ADCY9: variants seen among roughly 807,000 people sequenced by gnomAD.
The protein encoded by ADCY9 is adenylate cyclase type 9.
Under a neutral mutation model 101.5 loss-of-function variants are expected in ADCY9, and 50 were observed. The observed-to-expected ratio is 0.49, with a 90% CI of 0.39 to 0.62. The LOEUF is 0.62. Ranked by LOEUF, ADCY9 falls within the 20% of genes least tolerant of loss-of-function variation. The pLI is 0.00. For synonymous variants in ADCY9, 905 were observed against 769.3 expected (o/e 1.18, Z -2.92); for missense variants, 1,662 against 1,800.4 (o/e 0.92, Z 1.39).
intron 10 of ADCY9, among the ~76,000 whole-genome samples, chr16:3,967,569 T>G (rs1321105521): frequency 7.9e-5 from 12 of 151,832 alleles, no homozygotes; most frequent in Admixed American, 7.9e-4. Flanking sequence ...AAAAAATTTT[T>G]TTTTTGAAGA....
chr16:4,055,809 G>C (rs1165682302), intron 2 of ADCY9, among the ~76,000 whole-genome samples: 3 of 152,052 alleles, frequency 2.0e-5, no homozygotes, highest in African/African-American at 2.4e-5. Flanking sequence ...ACTCCAGCGT[G>C]GGCGACAGAG....
chr16:4,077,343 G>T (rs1318642869), intron 2 of ADCY9, among the ~76,000 whole-genome samples: 2 of 152,122 alleles, frequency 1.3e-5, no homozygotes, highest in Non-Finnish European at 2.9e-5. Context: ...GTTTTCAGGT[G>T]GTCTTTCTGG....
At chr16:4,069,104 A>C (rs1386271337) in intron 2 of ADCY9, among the ~76,000 whole-genome samples, 1 of 152,162 alleles carries the variant, frequency 6.6e-6, no homozygotes, top group Non-Finnish European at 1.5e-5. Context: ...AAGATATGCA[A>C]AATGTCCTCA....
At chr16:4,036,472 T>TTTG (rs1421511016) in intron 2 of ADCY9, among the ~76,000 whole-genome samples, 17 of 143,790 alleles carry the variant, frequency 1.2e-4, no homozygotes, top group African/African-American at 4.3e-4. Flanking sequence ...GTTTTTTTTT[T>TTTG]TTTTTTTTTT....
At chr16:4,093,722 G>C (rs910494099) in intron 2 of ADCY9, among the ~76,000 whole-genome samples, 1 of 152,174 alleles carries the variant, frequency 6.6e-6, no homozygotes, top group African/African-American at 2.4e-5. Context: ...TCACGTCACT[G>C]CACTCCAGCC....
chr16:3,971,537 T>A (rs1466945982), intron 10 of ADCY9, among the ~76,000 whole-genome samples: 1 of 152,142 alleles, frequency 6.6e-6, no homozygotes, highest in African/African-American at 2.4e-5. Flanking sequence ...ACATTACATA[T>A]CCTACATCTC....
chr16:4,007,703 G>C, intron 2 of ADCY9, 145 bp from the exon 3 acceptor site: 1 of 637,382 alleles, frequency 1.6e-6, no homozygotes, highest in Non-Finnish European at 2.6e-6. Flanking sequence ...TACGACGGAC[G>C]TCCACGATCT....
downstream of ADCY9, among the ~76,000 whole-genome samples, chr16:3,959,966 TG>T (rs1441381114): frequency 6.6e-6 from 1 of 152,034 alleles, no homozygotes; most frequent in African/African-American, 2.4e-5. Context: ...GTGGAGGTTG[TG>T]GTGAGCTGAG....
At chr16:4,034,129 A>T (rs1268432432) in intron 2 of ADCY9, among the ~76,000 whole-genome samples, 2 of 152,150 alleles carry the variant, frequency 1.3e-5, no homozygotes, top group Non-Finnish European at 2.9e-5. Context: ...CATGAGCCAC[A>T]GTGCATGTGG....
intron 2 of ADCY9, among the ~76,000 whole-genome samples, chr16:4,034,751 T>C (rs970714548): frequency 6.6e-5 from 10 of 152,164 alleles, no homozygotes; most frequent in Admixed American, 5.9e-4. Flanking sequence ...TGAGTGGTTA[T>C]CCGTTGGCAC....
At chr16:4,024,490 T>C (rs368112592) in intron 2 of ADCY9, among the ~76,000 whole-genome samples, 2 of 152,194 alleles carry the variant, frequency 1.3e-5, no homozygotes, top group East Asian at 1.9e-4. Context: ...AACTAGACGA[T>C]GAACTTGATT....
intron 2 of ADCY9, among the ~76,000 whole-genome samples, chr16:4,022,833 T>C (rs920212616): frequency 2.0e-5 from 3 of 152,062 alleles, no homozygotes; most frequent in African/African-American, 7.2e-5. Flanking sequence ...ACGGAGAAAA[T>C]TTCTTAACAA....
intron 2 of ADCY9, among the ~76,000 whole-genome samples, chr16:4,023,961 C>T (rs2056495958): frequency 6.6e-6 from 1 of 152,194 alleles, no homozygotes; most frequent in Non-Finnish European, 1.5e-5. Context: ...AAGAGCTCTG[C>T]AGTGTTTTAA....
intron 2 of ADCY9, among the ~76,000 whole-genome samples, chr16:4,101,440 C>T (rs923357580): frequency 2.0e-5 from 3 of 152,004 alleles, no homozygotes; most frequent in Non-Finnish European, 2.9e-5. Context: ...CCACCATGCA[C>T]GGCTAATTAT....
At chr16:4,062,052 C>T (rs2056776654) in intron 2 of ADCY9, among the ~76,000 whole-genome samples, 1 of 152,134 alleles carries the variant, frequency 6.6e-6, no homozygotes, top group African/African-American at 2.4e-5. Flanking sequence ...GGCACAGTGG[C>T]TCATGCCTGT....
At chr16:4,107,271 C>T (rs114256131) in intron 2 of ADCY9, among the ~76,000 whole-genome samples, 80 of 152,288 alleles carry the variant, frequency 5.3e-4, no homozygotes, top group African/African-American at 1.9e-3. Flanking sequence ...CAGGTCAAGG[C>T]TGGGCGTGGT....
At chr16:4,022,901 A>T (rs1040549025) in intron 2 of ADCY9, among the ~76,000 whole-genome samples, 4 of 152,220 alleles carry the variant, frequency 2.6e-5, no homozygotes, top group African/African-American at 9.6e-5. Flanking sequence ...GTTAAGAATG[A>T]GATTAGACCT....
chr16:4,094,340 G>C (rs111234533), intron 2 of ADCY9, among the ~76,000 whole-genome samples: 2 of 152,128 alleles, frequency 1.3e-5, no homozygotes, highest in Admixed American at 1.3e-4. Context: ...ATTCTCACTC[G>C]GGTCAGAGGG....
intron 2 of ADCY9, among the ~76,000 whole-genome samples, chr16:4,077,194 T>C (rs2056873126): frequency 6.6e-6 from 1 of 152,128 alleles, no homozygotes; most frequent in Non-Finnish European, 1.5e-5. Context: ...TACAGGGAAG[T>C]TACAGTTTTG....
Sources: allele counts gnomAD v4.1 joint callset (sites outside exome capture counted in the v4.1 genomes callset), GRCh38; gene constraint gnomAD v4.1.1; transcripts MANE v1.5; gene names NCBI Gene and HGNC (gene_info 2026-07-23, HGNC 2026-07-21).